BCL2: variants seen among roughly 807,000 people sequenced by gnomAD.
BCL2 encodes BCL2 apoptosis regulator.
Under a neutral mutation model 14.2 loss-of-function variants are expected in BCL2, and 1 was observed. The ratio of observed to expected loss-of-function variants is 0.07; its 90% CI spans 0.02 to 0.33. The LOEUF (loss-of-function observed/expected upper bound fraction) is 0.33, where lower values mean the gene tolerates loss of function less well. Ranked by LOEUF, BCL2 falls within the 10% of genes least tolerant of loss-of-function variation. The pLI, the probability that BCL2 is intolerant of heterozygous loss-of-function variation, is 0.99. For synonymous variants in BCL2, 151 were observed against 137.2 expected (o/e 1.10, Z -0.70); for missense variants, 247 against 305.9 (o/e 0.81, Z 1.44).
intron 2 of BCL2, among the ~76,000 whole-genome samples, chr18:63,311,466 G>A (rs1053625297): frequency 1.3e-5 from 2 of 152,176 alleles, no homozygotes; most frequent in Non-Finnish European, 2.9e-5. Flanking sequence ...AAGAAAAGAT[G>A]TATTGGTCTC....
chr18:63,150,285 C>T lies in BCL2; in HGVS notation c.586-21526G>A, dbSNP rs796289612. Among the ~76,000 whole-genome samples, 123 of 152,306 alleles carry T rather than the reference C, an allele frequency of 8.1e-4. 2 individuals are homozygous for T. The highest frequency in any genetic ancestry group is 2.8e-3 in the African/African-American group (115 of 41,554). On this transcript the variant is annotated intron_variant, in intron 2 of 2. Transcript: ENST00000333681. Reference sequence around the variant, plus strand: ...CCTGAAAACGAAAGAAAGAGAGTGACCTGGTGGCAAGATGGCTAAGGTTTC... The same window carrying T: ...CCTGAAAACGAAAGAAAGAGAGTGATCTGGTGGCAAGATGGCTAAGGTTTC...
At chr18:63,177,656 A>G (rs2144637803) in intron 2 of BCL2, among the ~76,000 whole-genome samples, 1 of 152,366 alleles carries the variant, frequency 6.6e-6, no homozygotes, top group African/African-American at 2.4e-5. Context: ...GTGATAGATC[A>G]GTATTTGTTG....
At chr18:63,238,295 C>T (rs1188066550) in intron 2 of BCL2, among the ~76,000 whole-genome samples, 1 of 152,212 alleles carries the variant, frequency 6.6e-6, no homozygotes, top group Non-Finnish European at 1.5e-5. Flanking sequence ...GTGATGTGGG[C>T]AGAAACCGAG....
At chr18:63,290,043 G>A (rs889903547) in intron 2 of BCL2, among the ~76,000 whole-genome samples, 2 of 152,144 alleles carry the variant, frequency 1.3e-5, no homozygotes, top group African/African-American at 2.4e-5. Flanking sequence ...GAGGAATGGA[G>A]GGCAGTGAAG....
chr18:63,136,846 T>C (rs905400726), intron 2 of BCL2, among the ~76,000 whole-genome samples: 5 of 152,246 alleles, frequency 3.3e-5, no homozygotes, highest in African/African-American at 4.8e-5. Context: ...AGGAAATAGA[T>C]ACAGATGCCA....
intron 2 of BCL2, among the ~76,000 whole-genome samples, chr18:63,209,753 C>G (rs998265595): frequency 1.3e-5 from 2 of 152,060 alleles, no homozygotes; most frequent in East Asian, 1.9e-4. Flanking sequence ...AGCGAGGAAG[C>G]TAAGACCTAG....
At chr18:63,314,687 T>C (rs1468799458) in intron 2 of BCL2, 1 of 152,198 alleles carries the variant, frequency 6.6e-6, no homozygotes, top group Non-Finnish European at 1.5e-5. Context: ...TCCCTTTGTC[T>C]TAAAGAAGCT....
chr18:63,209,215 G>A (rs541105014), intron 2 of BCL2, among the ~76,000 whole-genome samples: 1 of 152,290 alleles, frequency 6.6e-6, no homozygotes, highest in South Asian at 2.1e-4. Context: ...GTAAATTGGT[G>A]CAAGTGTGTG....
At chr18:63,249,605 G>A (rs1911247070) in intron 2 of BCL2, among the ~76,000 whole-genome samples, 1 of 151,732 alleles carries the variant, frequency 6.6e-6, no homozygotes, top group African/African-American at 2.4e-5. Flanking sequence ...AGCTACTCGG[G>A]AGGCTGAGGC....
chr18:63,280,650 T>C (rs1048836501), intron 2 of BCL2, among the ~76,000 whole-genome samples: 3 of 152,188 alleles, frequency 2.0e-5, no homozygotes, highest in Admixed American at 2.0e-4. Flanking sequence ...TTCACACTCA[T>C]GAAGAGGGCC....
chr18:63,180,896 C>G (rs543778960), intron 2 of BCL2, among the ~76,000 whole-genome samples: 8 of 152,326 alleles, frequency 5.3e-5, no homozygotes, highest in African/African-American at 1.9e-4. Context: ...GTCCTGTGGG[C>G]TCCCACAGAC....
At chr18:63,289,945 G>A (rs1166729737) in intron 2 of BCL2, among the ~76,000 whole-genome samples, 1 of 152,128 alleles carries the variant, frequency 6.6e-6, no homozygotes, top group East Asian at 1.9e-4. Context: ...CAAAGTATAA[G>A]ATAAACTGGA....
intron 2 of BCL2, among the ~76,000 whole-genome samples, chr18:63,162,662 T>G (rs1451964441): frequency 6.6e-6 from 1 of 152,166 alleles, no homozygotes; most frequent in African/African-American, 2.4e-5. Flanking sequence ...TACTGTCGCC[T>G]GATTTTCTAG....
intron 2 of BCL2, among the ~76,000 whole-genome samples, chr18:63,276,495 C>T (rs1332115840): frequency 6.6e-6 from 1 of 152,160 alleles, no homozygotes; most frequent in East Asian, 1.9e-4. Context: ...ATTCTATGTC[C>T]CCCAGGACTT....
At chr18:63,245,356 ATTTC>A (rs1911124197) in intron 2 of BCL2, among the ~76,000 whole-genome samples, 1 of 151,838 alleles carries the variant, frequency 6.6e-6, no homozygotes, top group Non-Finnish European at 1.5e-5. Context: ...AAGGAACTCC[ATTTC>A]TATATCAATT....
At chr18:63,225,859 A>G (rs754317103) in intron 2 of BCL2, among the ~76,000 whole-genome samples, 59 of 152,352 alleles carry the variant, frequency 3.9e-4, no homozygotes, top group Non-Finnish European at 6.9e-4. Context: ...GACAGGTTAC[A>G]GTACTCTTTT....
intron 2 of BCL2, among the ~76,000 whole-genome samples, chr18:63,250,127 C>T (rs544887424): frequency 2.0e-5 from 3 of 152,320 alleles, no homozygotes; most frequent in Admixed American, 6.5e-5. Flanking sequence ...ATTATACTCT[C>T]TCTCGACAAG....
intron 2 of BCL2, among the ~76,000 whole-genome samples, chr18:63,309,795 C>T (rs1913249813): frequency 6.6e-6 from 1 of 152,152 alleles, no homozygotes; most frequent in African/African-American, 2.4e-5. Flanking sequence ...GCTCAAGTCC[C>T]TGATATTAAA....
At chr18:63,231,932 T>C (rs1018876971) in intron 2 of BCL2, among the ~76,000 whole-genome samples, 7 of 152,212 alleles carry the variant, frequency 4.6e-5, no homozygotes, top group African/African-American at 1.7e-4. Context: ...ATATACAATA[T>C]ACTTAATTAT....
Sources: gnomAD v4.1 joint callset for allele counts (sites outside exome capture counted in the v4.1 genomes callset) on GRCh38, gnomAD v4.1.1 for gene constraint, MANE v1.5 for transcripts, NCBI Gene and HGNC (gene_info 2026-07-23, HGNC 2026-07-21) for gene names.